NCOA1: variants seen among roughly 807,000 people sequenced by gnomAD.
NCOA1 encodes nuclear receptor coactivator 1, also known as Hin-2 protein.
NCOA1 carries 35 observed loss-of-function variants against 150.9 expected under a neutral mutation model. That is an observed-to-expected ratio of 0.23 (90% CI 0.18 to 0.31). NCOA1 has a LOEUF of 0.31. Ranked by LOEUF, NCOA1 falls within the 10% of genes least tolerant of loss-of-function variation. The pLI is 1.00. For missense variants in NCOA1, 1,491 were observed against 1,749.3 expected (o/e 0.85, Z 2.63); for synonymous variants, 590 against 630.0 (o/e 0.94, Z 0.95).
chr2:24,710,882 A>G, intron 13 of NCOA1, 49 bp from the exon 14 acceptor site: 1 of 1,556,592 alleles, frequency 6.4e-7, no homozygotes, highest in Non-Finnish European at 8.8e-7. Flanking sequence ...ACGTTGTTTC[A>G]GGTGAAAGTG....
chr2:24,719,057 C>T (rs1050336452), intron 14 of NCOA1, among the ~76,000 whole-genome samples: 4 of 138,568 alleles, frequency 2.9e-5, no homozygotes, highest in East Asian at 2.0e-4. Context: ...AAAAAAAAAC[C>T]CCAAACCGGA....
rs909587329 is a variant in NCOA1, at chr2:24,697,734, C to T, written c.885C>T (p.Cys295=). The T allele has an allele frequency of 1.9e-6, 3 of 1,613,624 alleles. No individual in the cohort carries two copies. Among genetic ancestry groups the T allele is most frequent in the Non-Finnish European group, 2.5e-6 (3 of 1,179,644 alleles). ...RTGWEDLVRK[C]IYAFFQPQGR... is the part of the protein sequence containing the mutation. ...GTTGGGAAGATTTAGTGAGGAAGTG[C>T]ATTTATGCTTTTTTCCAACCTCAGG... Residue 295 remains cysteine, a synonymous_variant, in exon 11 of 23, where the codon TGC becomes TGT. Transcript: ENST00000348332.
intron 16 of NCOA1, 32 bp downstream of exon 16, chr2:24,728,508 T>C: frequency 1.3e-6 from 2 of 1,580,136 alleles, no homozygotes; most frequent in Non-Finnish European, 1.7e-6. Context: ...ATTTAACTGA[T>C]GGAGCCCTAA....
At chr2:24,761,232 TGTATAGTGCACTTGAAA>T (rs1664777980) in intron 21 of NCOA1, among the ~76,000 whole-genome samples, 1 of 152,222 alleles carries the variant, frequency 6.6e-6, no homozygotes, top group Non-Finnish European at 1.5e-5. Context: ...TTCAGTTGCA[TGTATAGTGCACTTGAAA>T]TTGTCTCACA....
At chr2:24,691,682 A>G (rs1672674236) in intron 9 of NCOA1, 22 bp downstream of exon 9, 1 of 1,604,944 alleles carries the variant, frequency 6.2e-7, no homozygotes, top group South Asian at 1.1e-5. Flanking sequence ...CGGTCTTTTT[A>G]AAGTGTTTAT....
At chr2:24,762,594 C>A in intron 21 of NCOA1, 93 bp from the exon 22 acceptor site, 1 of 1,111,994 alleles carries the variant, frequency 9.0e-7, no homozygotes, top group Non-Finnish European at 1.4e-6. Flanking sequence ...GCTCCTATTA[C>A]TTTTCTGTCA....
chr2:24,646,332 G>A (rs1670473389), intron 4 of NCOA1, among the ~76,000 whole-genome samples: 2 of 152,008 alleles, frequency 1.3e-5, no homozygotes, highest in Admixed American at 1.3e-4. Flanking sequence ...GAGAAAAAGT[G>A]GTAGACAATC....
At chr2:24,643,260 GTGGGAGTA>G (rs1670312189) in intron 3 of NCOA1, among the ~76,000 whole-genome samples, 1 of 152,180 alleles carries the variant, frequency 6.6e-6, no homozygotes, top group Non-Finnish European at 1.5e-5. Flanking sequence ...CTGCACTTAA[GTGGGAGTA>G]CTGGGAAGAG....
intron 3 of NCOA1, among the ~76,000 whole-genome samples, chr2:24,590,113 A>G (rs1195266820): frequency 6.6e-6 from 1 of 152,198 alleles, no homozygotes; most frequent in East Asian, 1.9e-4. Flanking sequence ...ACTTTCAAAA[A>G]CTTTTATCTT....
chr2:24,548,273 C>A (rs753016849), intron 1 of NCOA1, among the ~76,000 whole-genome samples: 6 of 152,110 alleles, frequency 3.9e-5, no homozygotes, highest in Non-Finnish European at 8.8e-5. Context: ...AGGGCATGTG[C>A]AGGAAAACTC....
intron 4 of NCOA1, among the ~76,000 whole-genome samples, chr2:24,657,188 A>C (rs893586244): frequency 2.0e-5 from 3 of 152,066 alleles, no homozygotes; most frequent in African/African-American, 7.2e-5. Flanking sequence ...ACTCCTTATC[A>C]GGGAAATGAG....
Position 24,705,116 on chromosome 2 carries a change from C to G in NCOA1, c.980C>G (p.Ser327Cys). 1 of 1,614,094 alleles carries G rather than the reference C, an allele frequency of 6.2e-7. No individual in the cohort carries two copies. Among genetic ancestry groups the G allele is most frequent in the Non-Finnish European group, 8.5e-7 (1 of 1,179,964 alleles). ...ACTCGTGGCACTGCCTCCAGCCCCT[C>G]CTATAGATTCATATTGAATGATGGG... is the stretch of plus-strand genomic sequence containing the variant. ...VMTRGTASSPSYRFILNDGTM... is the reference protein window; with the variant it reads ...VMTRGTASSPCYRFILNDGTM... Residue 327 changes from serine (S) to cysteine (C), a missense_variant, in exon 12 of 23, where the codon TCC becomes TGC. Ser to Cys is a moderately radical substitution (Grantham distance 112, BLOSUM62 -1). Transcript: ENST00000348332.
Position 24,620,631 on chromosome 2 carries a change from A to G in NCOA1, c.-174-23335A>G, listed in dbSNP as rs138532352. ...CTCAAAAACAAAACAAAACTATTCA[A>G]TATTATGAGTCTTTCTGGGAATATG... On this transcript the variant is annotated intron_variant, in intron 3 of 22. Coordinates refer to ENST00000348332, the MANE Select transcript of NCOA1 (RefSeq NM_003743.5). Among the ~76,000 whole-genome samples, 1,430 of 152,290 alleles carry G rather than the reference A, an allele frequency of 9.4e-3. 21 individuals are homozygous for G. Among genetic ancestry groups the G allele is most frequent in the African/African-American group, 0.033 (1,365 of 41,562 alleles).
intron 3 of NCOA1, among the ~76,000 whole-genome samples, chr2:24,605,110 A>G (rs55674349): frequency 0.031 from 4,745 of 152,286 alleles, 240 homozygotes; most frequent in African/African-American, 0.11. Flanking sequence ...CCCCAAAACA[A>G]TTACAGTAAT....
chr2:24,662,702 G>A (rs922624034), intron 5 of NCOA1, among the ~76,000 whole-genome samples: 1 of 152,018 alleles, frequency 6.6e-6, no homozygotes, highest in Non-Finnish European at 1.5e-5. Context: ...TAAGGAAATC[G>A]AAGCTTAGAA....
chr2:24,762,185 C>A (rs573728024), intron 21 of NCOA1, among the ~76,000 whole-genome samples: 24 of 152,374 alleles, frequency 1.6e-4, no homozygotes, highest in African/African-American at 5.3e-4. Flanking sequence ...GACTGCTGAA[C>A]TGTTAGGGAT....
intron 1 of NCOA1, among the ~76,000 whole-genome samples, chr2:24,521,959 C>G (rs1664433685): frequency 6.6e-6 from 1 of 152,074 alleles, no homozygotes; most frequent in Admixed American, 6.6e-5. Context: ...GTATCCTCAT[C>G]CCCTTCACTC....
In NCOA1 at chr2:24,770,030, A is replaced by G. The variant is rs189202124; in HGVS notation, c.*1639A>G. 1.4e-3 allele frequency: 330 copies of G among 228,698 alleles called. 1 individual carries two copies. Among genetic ancestry groups the G allele is most frequent in the African/African-American group, 6.8e-3 (307 of 45,182 alleles). 14.2% of individuals were successfully genotyped at this position (228,698 alleles called of 1,614,324 possible). A position where few individuals can be genotyped will look rare whatever the true frequency, so the allele number is the denominator to read the frequency against. On this transcript the variant is annotated 3_prime_UTR_variant, in exon 23 of 23. Transcript: ENST00000348332. The stretch of plus-strand genomic sequence containing the variant: ...CTGCATCTCACCACCCCTAGTTACA[A>G]ATAACTCCATTGAACAGCATCTATT...
At chr2:24,657,928 A>G (rs1448730201) in intron 4 of NCOA1, among the ~76,000 whole-genome samples, 2 of 152,214 alleles carry the variant, frequency 1.3e-5, no homozygotes, top group East Asian at 3.9e-4. Context: ...ATTAGGGATT[A>G]TATGGAGAAT....
Sources: allele counts gnomAD v4.1 joint callset (sites outside exome capture counted in the v4.1 genomes callset), GRCh38; gene constraint gnomAD v4.1.1; transcripts MANE v1.5; gene names NCBI Gene and HGNC (gene_info 2026-07-23, HGNC 2026-07-21).